ESYT3: variants seen among roughly 807,000 people sequenced by gnomAD.
ESYT3 encodes the protein extended synaptotagmin 3.
A neutral mutation model predicts 111.5 loss-of-function variants in ESYT3; 101 were observed. The observed-to-expected ratio is 0.91, with a 90% CI of 0.77 to 1.07. The LOEUF is 1.07. Among genes scored for constraint, ESYT3 ranks in the 50% least tolerant of loss-of-function variants. The pLI, the probability that ESYT3 is intolerant of heterozygous loss-of-function variation, is 0.00. For missense variants in ESYT3, 1,097 were observed against 1,109.4 expected (o/e 0.99, Z 0.16); for synonymous variants, 416 against 446.8 (o/e 0.93, Z 0.87).
chr3:138,465,332 C>T lies in ESYT3; in HGVS notation c.1087-7C>T, dbSNP rs374806382. The T allele has an allele frequency of 1.2e-4, 195 of 1,579,172 alleles. No homozygotes were observed. The Middle Eastern group carries it at 1.4e-3, about 11-fold the overall frequency. ...CTGCAGGTCAAGACACCTCTTTTTC[C>T]TTCCAGTTCATGGTGTACGAAGTCC... On this transcript the variant is annotated splice_polypyrimidine_tract_variant and splice_region_variant and intron_variant, in intron 9 of 22. Coordinates refer to ENST00000389567, the MANE Select transcript of ESYT3 (RefSeq NM_031913.5).
In ESYT3 at chr3:138,472,454, C is replaced by T; in HGVS notation, c.1832C>T (p.Thr611Ile). ...CCTCTGCTCATCAAGAAAGTGGCTA[C>T]CAACCAGGGTCCCAAAGCCCAACCT... ...KGPLLIKKVATNQGPKAQPQE... is the reference protein window; with the variant it reads ...KGPLLIKKVAINQGPKAQPQE... Residue 611 changes from threonine (T) to isoleucine (I), a missense_variant, in exon 18 of 23, where the codon ACC becomes ATC. Thr to Ile is a moderately conservative substitution (Grantham distance 89). Transcript: ENST00000389567. The T allele has an allele frequency of 6.2e-7, 1 of 1,614,172 alleles. No individual in the cohort carries two copies. Among genetic ancestry groups the T allele is most frequent in the Non-Finnish European group, 8.5e-7 (1 of 1,180,032 alleles).
chr3:138,452,824 C>A (rs1275594966), intron 2 of ESYT3, among the ~76,000 whole-genome samples: 2 of 152,202 alleles, frequency 1.3e-5, no homozygotes, highest in Admixed American at 6.5e-5. Context: ...TAGCCCGTAG[C>A]AGGAATGACT....
chr3:138,480,867 G>A (rs964386750), downstream of ESYT3: 3 of 152,176 alleles, frequency 2.0e-5, no homozygotes, highest in Non-Finnish European at 2.9e-5. Flanking sequence ...TAATAACTAA[G>A]ACAGAATGGT....
chr3:138,437,383 G>A (rs539652637), intron 1 of ESYT3, among the ~76,000 whole-genome samples: 1 of 152,346 alleles, frequency 6.6e-6, no homozygotes, highest in South Asian at 2.1e-4. Context: ...GACTCGCCTG[G>A]CTGGCTTGTC....
At chr3:138,469,858 A>T (rs2033127215) in intron 15 of ESYT3, among the ~76,000 whole-genome samples, 1 of 151,986 alleles carries the variant, frequency 6.6e-6, no homozygotes, top group South Asian at 2.1e-4. Context: ...CCCCCGTAAA[A>T]ATTCCTGGCA....
chr3:138,468,099 C>T lies in ESYT3; in HGVS notation c.1219-6C>T. ...TTTCCCTGAGCTTTCTGCCCCTACC[C>T]CACAGTGGTTTGTCCTGAATGACAC... On this transcript the variant is annotated splice_region_variant and splice_polypyrimidine_tract_variant and intron_variant, in intron 11 of 22. Transcript: ENST00000389567. 1.2e-6 allele frequency: 2 copies of T among 1,614,108 alleles called. No individual in the cohort carries two copies. Among genetic ancestry groups the T allele is most frequent in the South Asian group, 2.2e-5 (2 of 91,084 alleles).
intron 1 of ESYT3, among the ~76,000 whole-genome samples, chr3:138,446,894 G>T (rs1379814452): frequency 6.6e-6 from 1 of 152,054 alleles, no homozygotes; most frequent in African/African-American, 2.4e-5. Flanking sequence ...CAATAGTCAG[G>T]CGTGGTGGTG....
At position 138,435,631 on chromosome 3, in the gene ESYT3, G is replaced by T. The variant is rs2030606630; in HGVS notation, c.327+506G>T. On this transcript the variant is annotated intron_variant, in intron 1 of 22. Transcript: ENST00000389567. This position sits in a 1 kb window ranked among gnomAD's most constrained non-coding sequence, Gnocchi z 4.8. ...AGGGCTCCGCGGGGCTGGAGGTGGAGTGGCGGGTACGGCTGGGAGACCGAC... is the reference window on the plus strand; with the variant it reads ...AGGGCTCCGCGGGGCTGGAGGTGGATTGGCGGGTACGGCTGGGAGACCGAC... 6.6e-6 allele frequency among the ~76,000 whole-genome samples: 1 copy of T among 152,136 alleles called. No homozygotes were observed. Among genetic ancestry groups the T allele is most frequent in the African/African-American group, 2.4e-5 (1 of 41,440 alleles).
In ESYT3 at chr3:138,473,603, C is replaced by T. The variant is rs372213949; in HGVS notation, c.2305C>T (p.Arg769Cys). 106 of 1,613,650 alleles carry T rather than the reference C, an allele frequency of 6.6e-5. No individual in the cohort carries two copies. Among genetic ancestry groups the T allele is most frequent in the Middle Eastern group, 1.6e-4 (1 of 6,082 alleles). The change falls in exon 19 of 23, where the codon CGC becomes TGC. Residue 769 changes from arginine (R) to cysteine (C), a missense_variant. Coordinates refer to ENST00000389567, the MANE Select transcript of ESYT3 (RefSeq NM_031913.5). ...CACAGTGCGCTATGTGTGTCTGCGG[C>T]GCTGCCTCAGCGTGCTAATCAATGG... ...QLTVRYVCLR[R>C]CLSVLINGCR...
chr3:138,470,563 G>A, intron 16 of ESYT3: 1 of 1,163,786 alleles, frequency 8.6e-7, no homozygotes, highest in Non-Finnish European at 1.1e-6. Context: ...TGGTGGAGCT[G>A]GGATCTTTTA....
chr3:138,455,423 T>G, intron 3 of ESYT3, 95 bp downstream of exon 3: 1 of 1,418,276 alleles, frequency 7.1e-7, no homozygotes, highest in South Asian at 1.3e-5. Flanking sequence ...GTCAGTCATA[T>G]GACTGCAGAG....
At chr3:138,469,014 G>A (rs2033083087) in intron 14 of ESYT3, 133 bp downstream of exon 14, 2 of 970,810 alleles carry the variant, frequency 2.1e-6, no homozygotes, top group African/African-American at 1.6e-5. Context: ...GGTGCTGATT[G>A]TGGAGTCTAC....
rs769107132 is a variant in ESYT3, at chr3:138,464,466, G to C, written c.1037G>C (p.Ser346Thr). Residue 346 changes from serine (S) to threonine (T), a missense_variant, in exon 9 of 23, where the codon AGT becomes ACT. By Grantham distance (58) the Ser-to-Thr change is moderately conservative. Coordinates refer to ENST00000389567, the MANE Select transcript of ESYT3 (RefSeq NM_031913.5). Reference sequence around the variant, plus strand: ...AGCATCGGCCTACAGCATTTCCGGAGTAGGACCATCTACAGGAACCTGAAC... The same window carrying C: ...AGCATCGGCCTACAGCATTTCCGGACTAGGACCATCTACAGGAACCTGAAC... ...KVSIGLQHFR[S>T]RTIYRNLNPT... 42 of 1,614,050 alleles carry C rather than the reference G, an allele frequency of 2.6e-5. No individual in the cohort carries two copies. The highest frequency in any genetic ancestry group is 3.5e-5 in the Non-Finnish European group (41 of 1,180,042).
At chr3:138,456,952 C>T (rs1215977549) in intron 3 of ESYT3, among the ~76,000 whole-genome samples, 1 of 152,134 alleles carries the variant, frequency 6.6e-6, no homozygotes, top group African/African-American at 2.4e-5. Flanking sequence ...CACCTGCCTC[C>T]TGATCCTGGC....
intron 1 of ESYT3, among the ~76,000 whole-genome samples, chr3:138,445,067 A>G (rs1189317708): frequency 6.6e-6 from 1 of 152,166 alleles, no homozygotes; most frequent in Non-Finnish European, 1.5e-5. Flanking sequence ...TCTGGAATCA[A>G]AATCTCTGTG....
rs143292701 is a variant in ESYT3, at chr3:138,452,051, C to T, written c.331C>T (p.His111Tyr). ...LRGQHLPAWI[H>Y]FPDVERVEWA... is the part of the protein sequence containing the mutation. ...CCCCTCGGGGCTTCTTTCCTAGATC[C>T]ACTTCCCGGACGTGGAGCGGGTCGA... Residue 111 changes from histidine to tyrosine, a missense_variant, in exon 2 of 23, where the codon CAC (histidine) becomes TAC (tyrosine). Coordinates refer to ENST00000389567, the MANE Select transcript of ESYT3 (RefSeq NM_031913.5). 193 of 1,613,514 alleles carry T rather than the reference C, an allele frequency of 1.2e-4. No homozygotes were observed. Among genetic ancestry groups the T allele is most frequent in the East Asian group, 1.2e-3 (53 of 44,862 alleles).
intron 21 of ESYT3, 47 bp downstream of exon 21, chr3:138,476,375 C>A (rs369870165): frequency 1.9e-6 from 3 of 1,597,850 alleles, no homozygotes; most frequent in Non-Finnish European, 2.6e-6. Context: ...ATGATCAATT[C>A]GCCTTATCCC....
intron 17 of ESYT3, 53 bp from the exon 18 acceptor site, chr3:138,472,304 TGGCTGA>T: frequency 6.4e-7 from 1 of 1,565,432 alleles, no homozygotes; most frequent in Non-Finnish European, 8.6e-7. Flanking sequence ...CGGGAAACAA[TGGCTGA>T]GGTTGTGGAA....
In ESYT3 at chr3:138,451,922, G is replaced by A; in HGVS notation, c.328-126G>A. Reference sequence around the variant, plus strand: ...AGAGCGCACCTGTGACCGACGTGGAGGCGGCGGGGAGGAAGGGTTGAGGTG... The same window carrying A: ...AGAGCGCACCTGTGACCGACGTGGAAGCGGCGGGGAGGAAGGGTTGAGGTG... On this transcript the variant is annotated intron_variant, in intron 1 of 22. Coordinates refer to ENST00000389567, the MANE Select transcript of ESYT3 (RefSeq NM_031913.5). 3.8e-6 allele frequency: 4 copies of A among 1,049,604 alleles called. No individual in the cohort carries two copies. The South Asian group carries it at 3.9e-5, about 10-fold the overall frequency. The allele number at this position is 1,049,604 out of a possible 1,614,324, so 65.0% of individuals were successfully genotyped here. A position where few individuals can be genotyped will look rare whatever the true frequency, so the allele number is the denominator to read the frequency against.
Sources: allele counts gnomAD v4.1 joint callset (sites outside exome capture counted in the v4.1 genomes callset), GRCh38; gene constraint gnomAD v4.1.1; non-coding constraint Gnocchi (gnomAD v3.1); transcripts MANE v1.5; gene names NCBI Gene and HGNC (gene_info 2026-07-23, HGNC 2026-07-21).